The following RIMBP2 variants were observed in gnomAD, a reference collection of about 807,000 sequenced individuals.
RIMBP2 encodes the protein RIMS binding protein 2, also known as RIMS-binding protein 2.
RIMBP2 carries 48 observed loss-of-function variants against 118.6 expected under a neutral mutation model. The ratio of observed to expected loss-of-function variants is 0.40; its 90% CI spans 0.32 to 0.51. The LOEUF (loss-of-function observed/expected upper bound fraction) is 0.51, where lower values mean the gene tolerates loss of function less well. RIMBP2 is among the 20% of genes least tolerant of loss of function. The pLI is 0.41. For synonymous variants in RIMBP2, 762 were observed against 742.9 expected, an observed-to-expected ratio of 1.03 and a Z score of -0.42; for missense variants, 1,551 against 1,768.3, an observed-to-expected ratio of 0.88 and a Z score of 2.20.
At chr12:130,658,180 A>C (rs1460651850) in intron 1 of RIMBP2, 1 of 152,244 alleles carries the variant, frequency 6.6e-6, no homozygotes, top group African/African-American at 2.4e-5. Flanking sequence ...CAGGAGCCTG[A>C]GGAGGGAAGG....
At chr12:130,627,003 C>T (rs1375341731) in intron 2 of RIMBP2, among the ~76,000 whole-genome samples, 4 of 152,026 alleles carry the variant, frequency 2.6e-5, no homozygotes, top group Middle Eastern at 6.4e-3. Context: ...CCATGACTAC[C>T]ACCAAAATCA....
chr12:130,488,115 C>CT (rs1173828406), intron 4 of RIMBP2, among the ~76,000 whole-genome samples: 1 of 152,154 alleles, frequency 6.6e-6, no homozygotes, highest in African/African-American at 2.4e-5. Context: ...AGAAACTAGA[C>CT]TTTAACACTT....
chr12:130,697,517 G>C (rs559513973), intron 1 of RIMBP2, among the ~76,000 whole-genome samples: 281 of 152,146 alleles, frequency 1.8e-3, no homozygotes, highest in African/African-American at 6.4e-3. Flanking sequence ...GGGAGACCTG[G>C]CCTCTTTAAA....
chr12:130,569,153 C>T (rs1369017805), intron 2 of RIMBP2, among the ~76,000 whole-genome samples: 2 of 152,188 alleles, frequency 1.3e-5, no homozygotes. Flanking sequence ...CACTGCTAGT[C>T]CAGGACATGT....
chr12:130,659,048 A>G (rs1386502144), intron 1 of RIMBP2, among the ~76,000 whole-genome samples: 1 of 127,384 alleles, frequency 7.9e-6, no homozygotes, highest in African/African-American at 2.7e-5. Context: ...CCCGTAAATC[A>G]TCTTCATCCC....
intron 2 of RIMBP2, among the ~76,000 whole-genome samples, chr12:130,607,923 G>T (rs1357926810): frequency 6.6e-6 from 1 of 152,162 alleles, no homozygotes; most frequent in East Asian, 1.9e-4. Context: ...ATGTGTGGGG[G>T]TCAGAGGTTT....
chr12:130,689,041 G>T (rs2065196866), intron 1 of RIMBP2, among the ~76,000 whole-genome samples: 1 of 152,180 alleles, frequency 6.6e-6, no homozygotes, highest in African/African-American at 2.4e-5. Context: ...TCCCTAATGG[G>T]CTATGACCTG....
rs756723282 is a variant in RIMBP2, at chr12:130,578,078, T to C, written c.-217+50244A>G. Among the ~76,000 whole-genome samples the C allele has an allele frequency of 1.3e-5, 2 of 152,206 alleles. No homozygotes were observed. The highest frequency in any genetic ancestry group is 6.5e-5 in the Admixed American group (1 of 15,288). ...CTCTGAAAGGCAGATGTGAACTGGA[T>C]GGTTTCACATTAAGCCATTATCACC... is the stretch of plus-strand genomic sequence containing the variant. On this transcript the variant is annotated intron_variant, in intron 2 of 22. Coordinates refer to ENST00000690449, the MANE Select transcript of RIMBP2 (RefSeq NM_001393629.1). The surrounding 1 kb of genome is among the most constrained non-coding windows in gnomAD (Gnocchi z 4.1).
chr12:130,548,138 G>C (rs2055357602), intron 2 of RIMBP2, among the ~76,000 whole-genome samples: 1 of 151,010 alleles, frequency 6.6e-6, no homozygotes, highest in Admixed American at 6.6e-5. Flanking sequence ...AAGACAAGAA[G>C]CCCACGACGG....
intron 2 of RIMBP2, among the ~76,000 whole-genome samples, chr12:130,532,446 C>T (rs972800172): frequency 6.7e-6 from 1 of 148,842 alleles, no homozygotes; most frequent in African/African-American, 2.5e-5. Context: ...CTAGGAGGGA[C>T]GTCTAATGAG....
At chr12:130,489,928 A>G (rs1314067187) in intron 4 of RIMBP2, among the ~76,000 whole-genome samples, 2 of 152,140 alleles carry the variant, frequency 1.3e-5, no homozygotes, top group East Asian at 1.9e-4. Flanking sequence ...GATCGAGACC[A>G]TCCTGGCCAA....
At chr12:130,482,660 C>CGCAAAAAAA (rs2082110740) in intron 4 of RIMBP2, among the ~76,000 whole-genome samples, 1 of 152,258 alleles carries the variant, frequency 6.6e-6, no homozygotes, top group African/African-American at 2.4e-5. Context: ...GCTACAGCAA[C>CGCAAAAAAA]GCAAAACAAA....
At chr12:130,704,732 A>G (rs1302165932) in intron 1 of RIMBP2, among the ~76,000 whole-genome samples, 1 of 152,044 alleles carries the variant, frequency 6.6e-6, no homozygotes, top group Non-Finnish European at 1.5e-5. Flanking sequence ...CCGCCTCCAC[A>G]GGTCTGTTTC....
chr12:130,572,784 G>A (rs752068435), intron 2 of RIMBP2, among the ~76,000 whole-genome samples: 5 of 152,080 alleles, frequency 3.3e-5, no homozygotes, highest in South Asian at 2.1e-4. Flanking sequence ...CAGCCAGCGC[G>A]TGTGCAGCAG....
chr12:130,554,563 C>T (rs1168855224), intron 2 of RIMBP2, among the ~76,000 whole-genome samples: 2 of 152,142 alleles, frequency 1.3e-5, no homozygotes, highest in Non-Finnish European at 2.9e-5. Flanking sequence ...CTAAAAACAA[C>T]AGAAGTTGTC....
chr12:130,433,288 C>T (rs2077271476), intron 14 of RIMBP2, among the ~76,000 whole-genome samples: 1 of 152,194 alleles, frequency 6.6e-6, no homozygotes, highest in African/African-American at 2.4e-5. Context: ...CATTCTAACA[C>T]TAAAACCCGC....
At chr12:130,534,638 G>A (rs1054631387) in intron 2 of RIMBP2, among the ~76,000 whole-genome samples, 4 of 152,200 alleles carry the variant, frequency 2.6e-5, no homozygotes, top group African/African-American at 9.7e-5. Context: ...AAGCCATCCT[G>A]GTGTGGCACA....
chr12:130,641,765 T>C (rs2141029533), intron 1 of RIMBP2, among the ~76,000 whole-genome samples: 1 of 152,254 alleles, frequency 6.6e-6, no homozygotes, highest in African/African-American at 2.4e-5. Context: ...ATGCCCCTTA[T>C]GCTTGGCTGG....
intron 4 of RIMBP2, among the ~76,000 whole-genome samples, chr12:130,494,800 C>G (rs1016438484): frequency 6.6e-6 from 1 of 152,224 alleles, no homozygotes; most frequent in Non-Finnish European, 1.5e-5. Flanking sequence ...GAAAAGGATG[C>G]ATTTGTGACC....
Sources: gnomAD v4.1 joint callset for allele counts (sites outside exome capture counted in the v4.1 genomes callset) on GRCh38, gnomAD v4.1.1 for gene constraint, Gnocchi (gnomAD v3.1) non-coding constraint, MANE v1.5 for transcripts, NCBI Gene and HGNC (gene_info 2026-07-23, HGNC 2026-07-21) for gene names.